The following COL15A1 variants were observed in gnomAD, a reference collection of about 807,000 sequenced individuals.
The protein encoded by COL15A1 is collagen type XV alpha 1 chain, also known as collagen alpha-1(XV) chain.
A neutral mutation model predicts 165.9 loss-of-function variants in COL15A1; 111 were observed. That is an observed-to-expected ratio of 0.67 (90% CI 0.57 to 0.78). COL15A1 has a LOEUF of 0.78. Among genes scored for constraint, COL15A1 ranks in the 30% least tolerant of loss-of-function variants. COL15A1 has a pLI of 0.00. For synonymous variants in COL15A1, 659 were observed against 674.8 expected, an observed-to-expected ratio of 0.98 and a Z score of 0.36; for missense variants, 1,745 against 1,789.7, an observed-to-expected ratio of 0.98 and a Z score of 0.45.
At chr9:98,960,104 C>T (rs928997456) in intron 2 of COL15A1, among the ~76,000 whole-genome samples, 2 of 152,112 alleles carry the variant, frequency 1.3e-5, no homozygotes, top group Non-Finnish European at 1.5e-5. Context: ...CATCCAGGAG[C>T]TCATTAGAAA....
Position 99,006,793 on chromosome 9 carries a change from C to G in COL15A1, c.1353+1743C>G, listed in dbSNP as rs775333432. On this transcript the variant is annotated intron_variant, in intron 9 of 41. Coordinates refer to ENST00000375001, the MANE Select transcript of COL15A1 (RefSeq NM_001855.5). ...AGCTTAATAGAAACTAGAATTTGAC[C>G]AGCAGGGTTGTCTGAAGATAGAAGG... Among the ~76,000 whole-genome samples, 142 of 152,160 alleles carry G rather than the reference C, an allele frequency of 9.3e-4. 2 individuals are homozygous for G. Among genetic ancestry groups the G allele is most frequent in the Non-Finnish European group, 2.8e-4 (19 of 68,024 alleles).
At chr9:98,973,755 C>T (rs1304962808) in intron 2 of COL15A1, among the ~76,000 whole-genome samples, 2 of 152,188 alleles carry the variant, frequency 1.3e-5, no homozygotes, top group African/African-American at 4.8e-5. Context: ...CTGGGTTTGT[C>T]CCGGCCCCTG....
chr9:99,055,211 ACTGAGTT>A (rs755879505), intron 33 of COL15A1, 44 bp from the exon 34 acceptor site: 1 of 1,582,748 alleles, frequency 6.3e-7, no homozygotes, highest in Admixed American at 1.7e-5. Flanking sequence ...TATGTCAGAG[ACTGAGTT>A]CATCCCACTC....
chr9:98,971,563 T>C (rs1223345551), intron 2 of COL15A1, among the ~76,000 whole-genome samples: 1 of 151,906 alleles, frequency 6.6e-6, no homozygotes, highest in Non-Finnish European at 1.5e-5. Flanking sequence ...CTAGTCCACA[T>C]GGTCCCTGGG....
At chr9:99,067,914 G>A (rs1825921371) in intron 40 of COL15A1, among the ~76,000 whole-genome samples, 1 of 151,990 alleles carries the variant, frequency 6.6e-6, no homozygotes, top group Non-Finnish European at 1.5e-5. Context: ...CCACAAATTT[G>A]AAGCTTAGTA....
intron 13 of COL15A1, among the ~76,000 whole-genome samples, chr9:99,022,817 C>T (rs1670999266): frequency 6.6e-6 from 1 of 152,212 alleles, no homozygotes; most frequent in South Asian, 2.1e-4. Flanking sequence ...TCCCCTTGTT[C>T]TTCAGATACA....
At chr9:99,023,173 C>T (rs1053362183) in intron 13 of COL15A1, among the ~76,000 whole-genome samples, 184 bp from the exon 14 acceptor site, 13 of 151,934 alleles carry the variant, frequency 8.6e-5, no homozygotes, top group Admixed American at 2.0e-4. Context: ...AGCTGGGAGG[C>T]GGCAAGAGAG....
chr9:99,068,467 C>CAAA lies in COL15A1; in HGVS notation c.3838-71_3838-69dup, dbSNP rs34451429. On this transcript the variant is annotated intron_variant, in intron 40 of 41. Coordinates refer to ENST00000375001, the MANE Select transcript of COL15A1 (RefSeq NM_001855.5). ...CTGGATGACAAAAGCGAAACTGTGT[C>CAAA]AAAAAAAAAAAAAAAAAAAGAGTAA... 8.4e-3 allele frequency: 2,262 copies of CAAA among 270,734 alleles called. 6 individuals carry two copies. The highest frequency in any genetic ancestry group is 0.023 in the East Asian group (291 of 12,924). 16.8% of individuals were successfully genotyped at this position (270,734 alleles called of 1,614,324 possible).
intron 2 of COL15A1, among the ~76,000 whole-genome samples, chr9:98,950,874 AT>A (rs1837676028): frequency 6.6e-6 from 1 of 152,138 alleles, no homozygotes; most frequent in African/African-American, 2.4e-5. Context: ...AAGTGCTGGG[AT>A]TACAGGCGTG....
chr9:98,991,698 C>G (rs1441663002), intron 5 of COL15A1, among the ~76,000 whole-genome samples: 1 of 151,660 alleles, frequency 6.6e-6, no homozygotes, highest in Non-Finnish European at 1.5e-5. Context: ...AAAAGTTCTC[C>G]AAGTCCCCAC....
chr9:99,013,736 A>G (rs977087050), intron 9 of COL15A1, among the ~76,000 whole-genome samples: 6 of 152,138 alleles, frequency 3.9e-5, no homozygotes, highest in African/African-American at 1.2e-4. Context: ...CTTCAGACCT[A>G]AGAAGAATCT....
At chr9:98,989,138 C>T (rs1485775668) in intron 4 of COL15A1, 40 bp from the exon 5 acceptor site, 17 of 1,539,876 alleles carry the variant, frequency 1.1e-5, no homozygotes, top group Non-Finnish European at 1.4e-5. Context: ...TGGGCCCTGC[C>T]CGCTCTGCCC....
chr9:99,063,318 G>A (rs564169367), intron 39 of COL15A1, among the ~76,000 whole-genome samples: 5 of 152,154 alleles, frequency 3.3e-5, no homozygotes, highest in East Asian at 3.8e-4. Context: ...GGGCAGAGAC[G>A]TCTACCTGGA....
chr9:99,015,221 G>C (rs1838909292), intron 9 of COL15A1, among the ~76,000 whole-genome samples, 196 bp from the exon 10 acceptor site: 1 of 152,076 alleles, frequency 6.6e-6, no homozygotes, highest in Non-Finnish European at 1.5e-5. Context: ...TCTGGGGTGG[G>C]TGGGAGGATG....
rs114803848 is a variant in COL15A1, at chr9:99,063,267, G to T, written c.3651+158G>T. Among the ~76,000 whole-genome samples, 908 of 152,312 alleles carry T rather than the reference G, an allele frequency of 6.0e-3. 9 individuals carry two copies. The highest frequency in any genetic ancestry group is 0.021 in the African/African-American group (865 of 41,560). ...GAATTACAATACAGTGTGGTAAGTT[G>T]TTTGGGTGAACCAAGCACAGGGTGC... On this transcript the variant is annotated intron_variant, in intron 39 of 41. Coordinates refer to ENST00000375001, the MANE Select transcript of COL15A1 (RefSeq NM_001855.5).
Position 99,056,424 on chromosome 9 carries a change from C to A in COL15A1, c.3337+20C>A, listed in dbSNP as rs778073736. 7 of 1,590,576 alleles carry A rather than the reference C, an allele frequency of 4.4e-6. No homozygotes were observed. Among genetic ancestry groups the A allele is most frequent in the Admixed American group, 1.7e-5 (1 of 57,222 alleles). On this transcript the variant is annotated intron_variant, in intron 35 of 41. Transcript: ENST00000375001. ...GAGCAGGTTAGTGCCGTAAACAGTG[C>A]CCTTGTTCATGCTGTCCCTACCATT...
chr9:99,019,350 G>A (rs755510490), intron 11 of COL15A1, among the ~76,000 whole-genome samples: 17 of 152,052 alleles, frequency 1.1e-4, no homozygotes, highest in Admixed American at 8.5e-4. Flanking sequence ...GACATGTGCC[G>A]CTACTACCCG....
chr9:99,029,209 C>T (rs1473138000), intron 16 of COL15A1, among the ~76,000 whole-genome samples: 5 of 152,210 alleles, frequency 3.3e-5, no homozygotes, highest in Non-Finnish European at 1.5e-5. Context: ...TCTGCAGTCT[C>T]AAAAGGTACT....
chr9:99,035,070 C>T lies in COL15A1; in HGVS notation c.2136C>T (p.Gly712=). The T allele has an allele frequency of 1.2e-6, 2 of 1,610,562 alleles. No homozygotes were observed. The highest frequency in any genetic ancestry group is 8.5e-7 in the Non-Finnish European group (1 of 1,177,002). ...CCCCGGGGAAAAAGGGACAAGCTGG[C>T]CCTCCTGGGGTCATGGGACCCCCAG... The part of the protein sequence containing the change: ...PGPPGKKGQA[G]PPGVMGPPGP... The change falls in exon 18 of 42, where the codon GGC becomes GGT. Residue 712 remains glycine, a synonymous_variant. Coordinates refer to ENST00000375001, the MANE Select transcript of COL15A1 (RefSeq NM_001855.5).
Sources: allele counts gnomAD v4.1 joint callset (sites outside exome capture counted in the v4.1 genomes callset), GRCh38; gene constraint gnomAD v4.1.1; transcripts MANE v1.5; gene names NCBI Gene and HGNC (gene_info 2026-07-23, HGNC 2026-07-21).